JDP2: variants seen among roughly 807,000 people sequenced by gnomAD.
JDP2 encodes the protein Jun dimerization protein 2, also known as progesterone receptor co-activator.
A neutral mutation model predicts 17.1 loss-of-function variants in JDP2; 9 were observed. The ratio of observed to expected loss-of-function variants is 0.53; its 90% CI spans 0.32 to 0.92. The LOEUF (loss-of-function observed/expected upper bound fraction) is 0.92, where lower values mean the gene tolerates loss of function less well. Among genes scored for constraint, JDP2 ranks in the 40% least tolerant of loss-of-function variants. The pLI is 0.04. For missense variants in JDP2, 179 were observed against 220.0 expected, an observed-to-expected ratio of 0.81 and a Z score of 1.18; for synonymous variants, 107 against 95.6, an observed-to-expected ratio of 1.12 and a Z score of -0.69.
rs1436324932 is a variant in JDP2 at position 75,428,394 on chromosome 14, A to C, written c.-24+142A>C. ...CCCCGCGGGGAGGCTCCCGCAGCCC[A>C]GGGACCTCGAGCTTTCCCCGCGCCG... On this transcript the variant is annotated intron_variant, in intron 1 of 3. Coordinates refer to ENST00000651602, the MANE Select transcript of JDP2 (RefSeq NM_001135048.2). This position sits in a 1 kb window ranked among gnomAD's most constrained non-coding sequence, Gnocchi z 5.6. 6.6e-6 allele frequency: 1 copy of C among 151,178 alleles called. No individual in the cohort carries two copies. The highest frequency in any genetic ancestry group is 1.5e-5 in the Non-Finnish European group (1 of 67,658). The allele number at this position is 151,178 out of a possible 1,614,324, so 9.4% of individuals were successfully genotyped here. A position where few individuals can be genotyped will look rare whatever the true frequency, so the allele number is the denominator to read the frequency against.
intron 1 of JDP2, among the ~76,000 whole-genome samples, chr14:75,435,192 C>T (rs894605276): frequency 2.6e-5 from 4 of 152,214 alleles, no homozygotes; most frequent in Admixed American, 6.5e-5. Context: ...GGCCTCCTAG[C>T]GTGGCAGGCT....
At chr14:75,433,396 T>C (rs1440703161) in intron 1 of JDP2, among the ~76,000 whole-genome samples, 1 of 151,130 alleles carries the variant, frequency 6.6e-6, no homozygotes, top group Non-Finnish European at 1.5e-5. Context: ...TTTTCTTTTC[T>C]CTGAAATGAC....
rs1445296699 is a variant in JDP2 at position 75,471,549 on chromosome 14, A to T, written c.*2074A>T. 6.6e-6 allele frequency: 1 copy of T among 152,252 alleles called. No homozygotes were observed. Among genetic ancestry groups the T allele is most frequent in the African/African-American group, 2.4e-5 (1 of 41,452 alleles). The allele number at this position is 152,252 out of a possible 1,614,324, so 9.4% of individuals were successfully genotyped here. A position where few individuals can be genotyped will look rare whatever the true frequency, so the allele number is the denominator to read the frequency against. On this transcript the variant is annotated 3_prime_UTR_variant, in exon 4 of 4. Coordinates refer to ENST00000651602, the MANE Select transcript of JDP2 (RefSeq NM_001135048.2). ...GACTTCGTGTCAAGAACAGCAGTGA[A>T]CCTGGGTTGCTTCCCAAATTGTGGA...
chr14:75,462,683 C>T (rs1032605329), intron 3 of JDP2, among the ~76,000 whole-genome samples: 1 of 152,196 alleles, frequency 6.6e-6, no homozygotes. Context: ...AAGCAGCAGA[C>T]ACGGTCCTCC....
chr14:75,454,398 T>G (rs1476571909), intron 2 of JDP2, among the ~76,000 whole-genome samples: 1 of 152,212 alleles, frequency 6.6e-6, no homozygotes, highest in Admixed American at 6.5e-5. Context: ...CTTAGTTTCC[T>G]CATCTGCAAA....
At chr14:75,451,633 G>A (rs1223451683) in intron 2 of JDP2, among the ~76,000 whole-genome samples, 7 of 152,210 alleles carry the variant, frequency 4.6e-5, no homozygotes, top group Non-Finnish European at 8.8e-5. Context: ...GGAAGGGATG[G>A]GAAATAGCAG....
At chr14:75,468,194 C>T (rs924591187) in intron 3 of JDP2, among the ~76,000 whole-genome samples, 25 of 152,160 alleles carry the variant, frequency 1.6e-4, no homozygotes, top group African/African-American at 5.1e-4. Flanking sequence ...CTTACGCTAT[C>T]GCCATTTTGG....
chr14:75,457,551 G>A (rs956662353), intron 2 of JDP2, among the ~76,000 whole-genome samples: 1 of 152,254 alleles, frequency 6.6e-6, no homozygotes, highest in Non-Finnish European at 1.5e-5. Flanking sequence ...AATGGGGAAG[G>A]TATGAGGATG....
At chr14:75,465,729 A>T (rs879699295) in intron 3 of JDP2, among the ~76,000 whole-genome samples, 2 of 152,210 alleles carry the variant, frequency 1.3e-5, no homozygotes, top group Admixed American at 1.3e-4. Flanking sequence ...GGCCAAGTTC[A>T]CACAGCCAGG....
At chr14:75,427,157 G>C (rs1884561704), upstream of JDP2, 1 of 152,736 alleles carries the variant, frequency 6.5e-6, no homozygotes. The surrounding 1 kb of genome is among the most constrained non-coding windows in gnomAD (Gnocchi z 4.4). Context: ...GTTGGCTATT[G>C]AAGCTGGAAC....
intron 2 of JDP2, among the ~76,000 whole-genome samples, chr14:75,453,312 AG>A (rs923385791): frequency 2.6e-5 from 4 of 152,026 alleles, no homozygotes; most frequent in South Asian, 2.1e-4. Context: ...TCCTCCATGC[AG>A]GGGGGGCCCT....
chr14:75,458,574 A>G (rs1886216403), intron 2 of JDP2, among the ~76,000 whole-genome samples: 1 of 152,166 alleles, frequency 6.6e-6, no homozygotes, highest in Non-Finnish European at 1.5e-5. Flanking sequence ...TCTATCATTG[A>G]GCATTCAGGT....
At chr14:75,459,297 A>G (rs1188612872) in intron 2 of JDP2, among the ~76,000 whole-genome samples, 1 of 152,212 alleles carries the variant, frequency 6.6e-6, no homozygotes, top group Non-Finnish European at 1.5e-5. Context: ...GGCGGAATCA[A>G]TTTCAGCCAG....
At position 75,434,967 on chromosome 14, in the gene JDP2, G is replaced by A. The variant is rs543288043; in HGVS notation, c.-23-2931G>A. On this transcript the variant is annotated intron_variant, in intron 1 of 3. Coordinates refer to ENST00000651602, the MANE Select transcript of JDP2 (RefSeq NM_001135048.2). ...AAGTATTATTGATGATGCTTTCTGCGCCAGAAATGATGCTAAGCACTGGGG... is the reference window on the plus strand; with the variant it reads ...AAGTATTATTGATGATGCTTTCTGCACCAGAAATGATGCTAAGCACTGGGG... Among the ~76,000 whole-genome samples, 153 of 152,298 alleles carry A rather than the reference G, an allele frequency of 1.0e-3. 1 individual carries two copies. Among genetic ancestry groups the A allele is most frequent in the Non-Finnish European group, 1.6e-3 (107 of 68,026 alleles).
At position 75,448,386 on chromosome 14, in the gene JDP2, C is replaced by G. The variant is rs560552687; in HGVS notation, c.201+10265C>G. The stretch of plus-strand genomic sequence containing the variant: ...AGAAATCCATGATGCAATAAGCCCC[C>G]CAGGGGATTCTGATGCTCTCTGCAC... On this transcript the variant is annotated intron_variant, in intron 2 of 3. Coordinates refer to ENST00000651602, the MANE Select transcript of JDP2 (RefSeq NM_001135048.2). Among the ~76,000 whole-genome samples, 8 of 152,288 alleles carry G rather than the reference C, an allele frequency of 5.3e-5. No individual in the cohort carries two copies. The East Asian group carries it at 7.7e-4, about 15-fold the overall frequency.
At chr14:75,454,724 C>T (rs767209439) in intron 2 of JDP2, among the ~76,000 whole-genome samples, 9 of 152,042 alleles carry the variant, frequency 5.9e-5, no homozygotes, top group Admixed American at 1.3e-4. Flanking sequence ...TCAGTAAAGA[C>T]GTCAAGAAGG....
intron 3 of JDP2, among the ~76,000 whole-genome samples, chr14:75,461,950 G>A (rs1305575566): frequency 6.6e-6 from 1 of 152,196 alleles, no homozygotes; most frequent in Admixed American, 6.5e-5. Context: ...CCTCTGGCCT[G>A]GCTAACTTTG....
chr14:75,447,694 A>G (rs1033013107), intron 2 of JDP2, among the ~76,000 whole-genome samples: 3 of 152,150 alleles, frequency 2.0e-5, no homozygotes, highest in African/African-American at 4.8e-5. Flanking sequence ...GAGTCTCACT[A>G]TTGCCCAGGC....
At chr14:75,435,490 A>T (rs1885023401) in intron 1 of JDP2, among the ~76,000 whole-genome samples, 1 of 152,152 alleles carries the variant, frequency 6.6e-6, no homozygotes. Flanking sequence ...TGAGAAAGTC[A>T]TTCCTTCTGC....
Sources: allele counts gnomAD v4.1 joint callset (sites outside exome capture counted in the v4.1 genomes callset), GRCh38; gene constraint gnomAD v4.1.1; non-coding constraint Gnocchi (gnomAD v3.1); transcripts MANE v1.5; gene names NCBI Gene and HGNC (gene_info 2026-07-23, HGNC 2026-07-21).